The following TRIM37 variants were observed in gnomAD, a reference collection of about 807,000 sequenced individuals.
TRIM37 encodes the protein tripartite motif containing 37, also known as E3 ubiquitin-protein ligase TRIM37.
In TRIM37, 80 loss-of-function variants were observed where a neutral mutation model predicts 129.8. The observed-to-expected ratio is 0.62, with a 90% CI of 0.51 to 0.74. The LOEUF (loss-of-function observed/expected upper bound fraction) is 0.74, where lower values mean the gene tolerates loss of function less well. Ranked by LOEUF, TRIM37 falls within the 30% of genes least tolerant of loss-of-function variation. TRIM37 has a pLI of 0.00. For missense variants in TRIM37, 1,054 were observed against 1,176.5 expected (o/e 0.90, Z 1.52); for synonymous variants, 389 against 387.1 (o/e 1.00, Z -0.06).
intron 22 of TRIM37, among the ~76,000 whole-genome samples, chr17:59,004,851 C>T (rs1384321598): frequency 1.3e-5 from 2 of 152,164 alleles, no homozygotes; most frequent in African/African-American, 4.8e-5. Context: ...TTCCTTTTCT[C>T]TTTTTAAGAA....
At chr17:58,980,731 G>C, downstream of TRIM37, 2 of 1,614,208 alleles carry the variant, frequency 1.2e-6, no homozygotes, top group African/African-American at 2.7e-5. This position sits in a 1 kb window ranked among gnomAD's most constrained non-coding sequence, Gnocchi z 4.7. Flanking sequence ...AAAATGAACA[G>C]TTCAAATCCC....
intron 13 of TRIM37, among the ~76,000 whole-genome samples, chr17:59,051,774 A>G (rs1221246754): frequency 1.3e-5 from 2 of 150,826 alleles, no homozygotes; most frequent in Admixed American, 6.6e-5. Context: ...TCTGTCGCCC[A>G]GGCTGGAGTG....
At chr17:59,014,853 A>C (rs1256729661) in intron 21 of TRIM37, among the ~76,000 whole-genome samples, 1 of 151,526 alleles carries the variant, frequency 6.6e-6, no homozygotes, top group Non-Finnish European at 1.5e-5. Flanking sequence ...ATTTCATCCC[A>C]TTAAAAAAAG....
intron 19 of TRIM37, among the ~76,000 whole-genome samples, chr17:59,020,701 T>A (rs2036508825): frequency 6.6e-6 from 1 of 152,014 alleles, no homozygotes; most frequent in African/African-American, 2.4e-5. Context: ...GACACACAAA[T>A]AGCAAACAGG....
chr17:59,036,779 C>A (rs2038568092), intron 17 of TRIM37, among the ~76,000 whole-genome samples: 1 of 152,060 alleles, frequency 6.6e-6, no homozygotes, highest in Non-Finnish European at 1.5e-5. Flanking sequence ...CATCGTAATT[C>A]TTTAGATCAC....
Position 59,049,220 on chromosome 17 carries a change from C to T in TRIM37, c.1488G>A (p.Glu496=), listed in dbSNP as rs1446547626. 2 of 1,613,864 alleles carry T rather than the reference C, an allele frequency of 1.2e-6. No individual in the cohort carries two copies. Among genetic ancestry groups the T allele is most frequent in the African/African-American group, 2.7e-5 (2 of 74,852 alleles). Residue 496 remains glutamate (E), a synonymous_variant, in exon 15 of 24, where the codon GAG becomes GAA. Coordinates refer to ENST00000262294, the MANE Select transcript of TRIM37 (RefSeq NM_015294.6). ...PTTASVREAK[E]DEEDEEKIQN... is the part of the protein sequence containing the mutation. ...GAATCTTCTCCTCATCTTCTTCATC[C>T]TCTTTGGCCTCTCTTACAGAAGCTG...
chr17:59,023,516 G>C (rs768442743), intron 19 of TRIM37, among the ~76,000 whole-genome samples: 1 of 151,992 alleles, frequency 6.6e-6, no homozygotes. Context: ...TTAGCCAGGC[G>C]TGGTGGCAGG....
At chr17:58,992,232 T>C (rs2032480493) in intron 24 of TRIM37, among the ~76,000 whole-genome samples, 1 of 137,324 alleles carries the variant, frequency 7.3e-6, no homozygotes, top group Non-Finnish European at 1.5e-5. Flanking sequence ...GACAACTTAC[T>C]CTCCAGGCAC....
intron 24 of TRIM37, among the ~76,000 whole-genome samples, chr17:58,988,782 G>C (rs1294712823): frequency 6.6e-6 from 1 of 152,090 alleles, no homozygotes; most frequent in African/African-American, 2.4e-5. Flanking sequence ...ACACCAATCA[G>C]AAATACAAGG....
chr17:59,087,596 T>C (rs998063293), intron 4 of TRIM37, among the ~76,000 whole-genome samples: 4 of 151,770 alleles, frequency 2.6e-5, no homozygotes, highest in Non-Finnish European at 5.9e-5. Context: ...CACCCTGTTC[T>C]CTTATTTCTA....
At chr17:58,983,706 G>T (rs1042576801) in intron 24 of TRIM37, 4 of 152,574 alleles carry the variant, frequency 2.6e-5, no homozygotes, top group Non-Finnish European at 5.9e-5. Context: ...TATTCATTGT[G>T]TAATTTAGTG....
At chr17:59,012,088 G>A (rs1598878887) in intron 22 of TRIM37, among the ~76,000 whole-genome samples, 1 of 152,066 alleles carries the variant, frequency 6.6e-6, no homozygotes, top group African/African-American at 2.4e-5. Flanking sequence ...GCCTTCCTCT[G>A]TATTTGGTAT....
At chr17:59,014,362 T>C (rs1049662720) in intron 21 of TRIM37, among the ~76,000 whole-genome samples, 2 of 152,182 alleles carry the variant, frequency 1.3e-5, no homozygotes, top group African/African-American at 4.8e-5. Flanking sequence ...TTAATATCCA[T>C]AAAATAGATA....
chr17:59,012,208 A>G, intron 22 of TRIM37, 120 bp downstream of exon 22: 1 of 762,724 alleles, frequency 1.3e-6, no homozygotes. Context: ...TATCCCTATC[A>G]CTACCACCAG....
At chr17:59,098,722 TAAA>T (rs917123398) in intron 2 of TRIM37, among the ~76,000 whole-genome samples, 1 of 144,208 alleles carries the variant, frequency 6.9e-6, no homozygotes, top group African/African-American at 2.5e-5. Flanking sequence ...TTACCACAAT[TAAA>T]AAAAAATTAA....
chr17:58,983,017 A>ATTG, intron 24 of TRIM37: 1 of 1,093,416 alleles, frequency 9.1e-7, no homozygotes, highest in Non-Finnish European at 1.3e-6. Context: ...TAAAATTTCT[A>ATTG]TTGTTGTCTA....
intron 19 of TRIM37, among the ~76,000 whole-genome samples, chr17:59,024,523 C>T (rs1456908887): frequency 6.6e-6 from 1 of 152,036 alleles, no homozygotes; most frequent in Non-Finnish European, 1.5e-5. Context: ...ATCTCAATTG[C>T]CCAAATTAGT....
At chr17:58,993,127 A>AG (rs1732137788) in intron 24 of TRIM37, among the ~76,000 whole-genome samples, 1 of 152,148 alleles carries the variant, frequency 6.6e-6, no homozygotes, top group East Asian at 1.9e-4. Context: ...TGGTTTTATA[A>AG]GGGGGAGTTT....
chr17:58,982,880 T>G (rs1171044395), exon 25 of TRIM37: 1 of 1,566,040 alleles, frequency 6.4e-7, no homozygotes, highest in African/African-American at 1.4e-5. Context: ...GCCTAGATCT[T>G]GTTAACCCAT....
Sources: allele counts gnomAD v4.1 joint callset (sites outside exome capture counted in the v4.1 genomes callset), GRCh38; gene constraint gnomAD v4.1.1; non-coding constraint Gnocchi (gnomAD v3.1); transcripts MANE v1.5; gene names NCBI Gene and HGNC (gene_info 2026-07-23, HGNC 2026-07-21).